Variants in EIF2A observed in about 807,000 individuals in gnomAD.
EIF2A encodes 65 kDa eukaryotic translation initiation factor 2A.
Under a neutral mutation model 75.2 loss-of-function variants are expected in EIF2A, and 62 were observed. The ratio of observed to expected loss-of-function variants is 0.82; its 90% CI spans 0.67 to 1.02. The LOEUF (loss-of-function observed/expected upper bound fraction) is 1.02. Among genes scored for constraint, EIF2A ranks in the 50% least tolerant of loss-of-function variants. The pLI is 0.00. For synonymous variants in EIF2A, 207 were observed against 239.0 expected, an observed-to-expected ratio of 0.87 and a Z score of 1.23; for missense variants, 611 against 677.7, an observed-to-expected ratio of 0.90 and a Z score of 1.09.
At chr3:150,548,560 C>T (rs548025858) in intron 1 of EIF2A, among the ~76,000 whole-genome samples, 1 of 152,324 alleles carries the variant, frequency 6.6e-6, no homozygotes, top group Non-Finnish European at 1.5e-5. Flanking sequence ...ACTGGGCAAG[C>T]ATTACCACTT....
intron 11 of EIF2A, among the ~76,000 whole-genome samples, chr3:150,576,694 G>GTATTTAC (rs1277308881): frequency 6.6e-6 from 1 of 152,168 alleles, no homozygotes; most frequent in Non-Finnish European, 1.5e-5. Flanking sequence ...CTTGAAGCAT[G>GTATTTAC]TATTTACTAA....
Position 150,572,230 on chromosome 3 carries a change from T to A in EIF2A, c.1084T>A (p.Tyr362Asn). The change falls in exon 10 of 14, where the codon TAT becomes AAT. Residue 362 changes from tyrosine to asparagine, a missense_variant. Transcript: ENST00000460851. Reference sequence around the variant, plus strand: ...TAAACCGGTGGCTTCTGATTCTACATATTTTGCTTGGTGCCCGGATGGTGA... The same window carrying A: ...TAAACCGGTGGCTTCTGATTCTACAAATTTTGCTTGGTGCCCGGATGGTGA... Reference protein sequence around the residue: ...ISKPVASDSTYFAWCPDGEHI... With the variant: ...ISKPVASDSTNFAWCPDGEHI... 1 of 1,613,996 alleles carries A rather than the reference T, an allele frequency of 6.2e-7. No individual in the cohort carries two copies. The highest frequency in any genetic ancestry group is 8.5e-7 in the Non-Finnish European group (1 of 1,179,888).
At chr3:150,555,528 G>C (rs1723514410) in intron 2 of EIF2A, among the ~76,000 whole-genome samples, 1 of 151,876 alleles carries the variant, frequency 6.6e-6, no homozygotes, top group African/African-American at 2.4e-5. Flanking sequence ...AAAGTGCTGG[G>C]ATTACAGGTG....
intron 12 of EIF2A, 133 bp downstream of exon 12, chr3:150,581,879 T>A: frequency 9.7e-7 from 1 of 1,034,736 alleles, no homozygotes; most frequent in Non-Finnish European, 1.4e-6. Flanking sequence ...GTTTTCTCAC[T>A]ATGAAGCACT....
chr3:150,564,042 C>T (rs1486072162), intron 5 of EIF2A, among the ~76,000 whole-genome samples: 1 of 152,110 alleles, frequency 6.6e-6, no homozygotes, highest in Non-Finnish European at 1.5e-5. Context: ...TGGTCTTGAA[C>T]TCCTGACCTC....
chr3:150,571,219 A>G (rs1724497037), intron 9 of EIF2A, among the ~76,000 whole-genome samples: 1 of 150,868 alleles, frequency 6.6e-6, no homozygotes, highest in African/African-American at 2.4e-5. Context: ...GGCTCACTGC[A>G]ACCTCTGCCT....
chr3:150,561,133 AT>A lies in EIF2A; in HGVS notation c.174-1399del, dbSNP rs1232895088. Among the ~76,000 whole-genome samples the A allele has an allele frequency of 1.5e-3, 221 of 152,184 alleles. 1 individual carries two copies. The highest frequency in any genetic ancestry group is 4.9e-3 in the African/African-American group (203 of 41,526). On this transcript the variant is annotated intron_variant, in intron 3 of 13. Coordinates refer to ENST00000460851, the MANE Select transcript of EIF2A (RefSeq NM_032025.5). Reference sequence around the variant, plus strand: ...TATAGCTTCTATTTATTTAAAAAAAATTTTTTTTTTAATTGAGATGGGATCT... The same window carrying A: ...TATAGCTTCTATTTATTTAAAAAAAATTTTTTTTTAATTGAGATGGGATCT...
intron 2 of EIF2A, among the ~76,000 whole-genome samples, chr3:150,554,142 C>T (rs1364081879): frequency 6.6e-6 from 1 of 152,132 alleles, no homozygotes; most frequent in African/African-American, 2.4e-5. Flanking sequence ...GAGATTCACA[C>T]CAACCTAAGA....
intron 1 of EIF2A, among the ~76,000 whole-genome samples, chr3:150,551,280 G>A (rs1360799758): frequency 6.6e-6 from 1 of 152,152 alleles, no homozygotes; most frequent in African/African-American, 2.4e-5. Flanking sequence ...GTTCAATGAG[G>A]TCAGAGACAA....
intron 6 of EIF2A, among the ~76,000 whole-genome samples, chr3:150,565,431 A>G (rs1247736664): frequency 6.6e-6 from 1 of 152,230 alleles, no homozygotes; most frequent in Admixed American, 6.5e-5. Context: ...TTCTATAAAG[A>G]AAAATTTCCC....
At chr3:150,557,721 A>G (rs1450068887) in intron 2 of EIF2A, 1 of 384,356 alleles carries the variant, frequency 2.6e-6, no homozygotes, top group Admixed American at 3.1e-5. Context: ...AAAATGTTTT[A>G]TTATCTATAA....
At chr3:150,575,383 T>C (rs1724797438) in intron 10 of EIF2A, among the ~76,000 whole-genome samples, 1 of 152,212 alleles carries the variant, frequency 6.6e-6, no homozygotes, top group South Asian at 2.1e-4. Context: ...GTAGTAGTGC[T>C]AAGAAAAATT....
chr3:150,555,360 G>A (rs1282387485), intron 2 of EIF2A, among the ~76,000 whole-genome samples: 2 of 151,490 alleles, frequency 1.3e-5, no homozygotes, highest in Admixed American at 6.6e-5. Context: ...GGGTTCAAGC[G>A]ATTCTCCTGC....
At position 150,584,566 on chromosome 3, in the gene EIF2A, T is replaced by TG. The variant is rs1424719499; in HGVS notation, c.*656dup. Among the ~76,000 whole-genome samples, 1 of 152,216 alleles carries TG rather than the reference T, an allele frequency of 6.6e-6. No homozygotes were observed. Among genetic ancestry groups the TG allele is most frequent in the Admixed American group, 6.5e-5 (1 of 15,286 alleles). ...ATTGCCCTATCTCAAGCTTTATACTTGCACCATTTAAAGTTTTCCACACTG... is the reference window on the plus strand; with the variant it reads ...ATTGCCCTATCTCAAGCTTTATACTTGGCACCATTTAAAGTTTTCCACACTG... On this transcript the variant is annotated 3_prime_UTR_variant, in exon 14 of 14. Coordinates refer to ENST00000460851, the MANE Select transcript of EIF2A (RefSeq NM_032025.5).
Position 150,570,926 on chromosome 3 carries a change from C to T in EIF2A, c.812-1032C>T, listed in dbSNP as rs948505155. 3.3e-5 allele frequency among the ~76,000 whole-genome samples: 5 copies of T among 151,370 alleles called. No homozygotes were observed. The East Asian group carries it at 5.9e-4, about 18-fold the overall frequency. ...TACTAAAAATACAAAATTAGCCCGG[C>T]GTGGTGGCTCATGCCTGTAATCCCA... On this transcript the variant is annotated intron_variant, in intron 9 of 13. Coordinates refer to ENST00000460851, the MANE Select transcript of EIF2A (RefSeq NM_032025.5).
intron 12 of EIF2A, among the ~76,000 whole-genome samples, chr3:150,582,383 C>G (rs936359077): frequency 6.8e-6 from 1 of 146,984 alleles, no homozygotes; most frequent in Admixed American, 6.9e-5. Context: ...GGCGCGATCT[C>G]GGCTCACTGC....
In EIF2A at chr3:150,572,154, T is replaced by TCG; in HGVS notation, c.1009_1010insGC (p.Leu337ArgfsTer2). 2.5e-6 allele frequency: 4 copies of TCG among 1,613,946 alleles called. No individual in the cohort carries two copies. Among genetic ancestry groups the TCG allele is most frequent in the Non-Finnish European group, 3.4e-6 (4 of 1,179,878 alleles). ...TATTAGTATTAGCTGGATTTGGAAA[T>TCG]CTGAGGGGACAAATGGAAGTGTGGG... On this transcript the variant is annotated frameshift_variant, in exon 10 of 14. Coordinates refer to ENST00000460851, the MANE Select transcript of EIF2A (RefSeq NM_032025.5). LOFTEE classifies it high-confidence loss of function.
chr3:150,578,326 A>G (rs1391074148), intron 11 of EIF2A, among the ~76,000 whole-genome samples: 2 of 148,550 alleles, frequency 1.3e-5, no homozygotes, highest in African/African-American at 4.9e-5. Flanking sequence ...ATACTAAATT[A>G]TAATTGTATT....
At chr3:150,580,430 A>AAAATATCTAATG (rs1725116907) in intron 11 of EIF2A, among the ~76,000 whole-genome samples, 1 of 152,184 alleles carries the variant, frequency 6.6e-6, no homozygotes, top group Non-Finnish European at 1.5e-5. Context: ...ATGGTCTCTC[A>AAAATATCTAATG]AAATATCTAA....
Sources: gnomAD v4.1 joint callset for allele counts (sites outside exome capture counted in the v4.1 genomes callset) on GRCh38, gnomAD v4.1.1 for gene constraint, MANE v1.5 for transcripts, NCBI Gene and HGNC (gene_info 2026-07-23, HGNC 2026-07-21) for gene names.